CACNA1A: variants seen among roughly 807,000 people sequenced by gnomAD.
CACNA1A encodes calcium voltage-gated channel subunit alpha1 A.
A neutral mutation model predicts 262.4 loss-of-function variants in CACNA1A; 57 were observed. The ratio of observed to expected loss-of-function variants is 0.22; its 90% CI spans 0.18 to 0.27. The LOEUF (loss-of-function observed/expected upper bound fraction) is 0.27. CACNA1A is among the 10% of genes least tolerant of loss of function. The pLI, the probability that CACNA1A is intolerant of heterozygous loss-of-function variation, is 1.00. For missense variants in CACNA1A, 2,526 were observed against 3,562.8 expected (o/e 0.71, Z 7.41); for synonymous variants, 1,431 against 1,419.3 (o/e 1.01, Z -0.18).
At chr19:13,326,043 C>A (rs745986210) in intron 10 of CACNA1A, among the ~76,000 whole-genome samples, 1 of 152,086 alleles carries the variant, frequency 6.6e-6, no homozygotes, top group South Asian at 2.1e-4. Flanking sequence ...CTGTCAGGCG[C>A]GGTGGCTAAC....
At chr19:13,383,164 G>A (rs972092214) in intron 3 of CACNA1A, among the ~76,000 whole-genome samples, 3 of 152,224 alleles carry the variant, frequency 2.0e-5, no homozygotes, top group Admixed American at 2.0e-4. Context: ...TATTCAGAGA[G>A]TGCCTAAAGA....
rs1007804903 is a variant in CACNA1A, at chr19:13,226,265, G to C, written c.5625+1166C>G. 9.1e-5 allele frequency: 12 copies of C among 131,670 alleles called. 1 individual carries two copies. Among genetic ancestry groups the C allele is most frequent in the African/African-American group, 2.6e-4 (9 of 35,112 alleles). 8.2% of individuals were successfully genotyped at this position (131,670 alleles called of 1,614,324 possible). A position where few individuals can be genotyped will look rare whatever the true frequency, so the allele number is the denominator to read the frequency against. ...ACTTGAGGAAAACCGGGGGGGGGGG[G>C]GGGGGCGGCAGGGAGGGGCACAGAG... On this transcript the variant is annotated intron_variant, in intron 37 of 46. Coordinates refer to ENST00000360228, the MANE Select transcript of CACNA1A (RefSeq NM_001127222.2).
chr19:13,246,372 T>C (rs796621076), intron 30 of CACNA1A, among the ~76,000 whole-genome samples: 101 of 152,288 alleles, frequency 6.6e-4, no homozygotes, highest in African/African-American at 2.4e-3. Context: ...TTCTGGTCAG[T>C]GTTGGACTCT....
At chr19:13,478,192 A>T (rs1978796393) in intron 1 of CACNA1A, among the ~76,000 whole-genome samples, 1 of 152,160 alleles carries the variant, frequency 6.6e-6, no homozygotes, top group Non-Finnish European at 1.5e-5. Flanking sequence ...CAAAATAAAC[A>T]TGTCATTGTG....
At chr19:13,210,904 A>T in intron 43 of CACNA1A, 1 of 570,276 alleles carries the variant, frequency 1.8e-6, no homozygotes. Context: ...CAGACAGGAG[A>T]TGCAGACAGA....
chr19:13,448,929 T>C (rs1568655895), intron 3 of CACNA1A, among the ~76,000 whole-genome samples: 2 of 152,122 alleles, frequency 1.3e-5, no homozygotes, highest in Admixed American at 6.6e-5. Context: ...GTACCACATA[T>C]CTCTTTTTTT....
At chr19:13,299,378 T>TAA in intron 18 of CACNA1A, 25 bp from the exon 19 acceptor site, 1 of 1,593,528 alleles carries the variant, frequency 6.3e-7, no homozygotes, top group South Asian at 1.1e-5. Flanking sequence ...TCACAGGACT[T>TAA]AGAGCATTGC....
In CACNA1A at chr19:13,207,879, GCTGC is replaced by G; in HGVS notation, c.6951_6954del (p.Gln2317HisfsTer290). The stretch of plus-strand genomic sequence containing the variant: ...ACCGCCTGCTGCTGCTGCTGCTGCT[GCTGC>G]TGCTGCTGCTGCTGCGGGGGCCCCG... On this transcript the variant is annotated frameshift_variant, in exon 47 of 47. Coordinates refer to ENST00000360228, the MANE Select transcript of CACNA1A (RefSeq NM_001127222.2). LOFTEE classifies it low-confidence loss of function (END_TRUNC). The surrounding 1 kb of genome is among the most constrained non-coding windows in gnomAD (Gnocchi z 5.7). 7.1e-7 allele frequency: 1 copy of G among 1,411,604 alleles called. No homozygotes were observed. 87.4% of individuals were successfully genotyped at this position (1,411,604 alleles called of 1,614,324 possible).
At chr19:13,389,919 T>C (rs2059683353) in intron 3 of CACNA1A, among the ~76,000 whole-genome samples, 1 of 151,928 alleles carries the variant, frequency 6.6e-6, no homozygotes, top group Non-Finnish European at 1.5e-5. Flanking sequence ...TTCAAGCAAT[T>C]CTCCTGCCTC....
At position 13,365,469 on chromosome 19, in the gene CACNA1A, C is replaced by G; in HGVS notation, c.632G>C (p.Ser211Thr). Reference sequence around the variant, plus strand: ...GATCGACTTCAGGACGACTTGTAAACCTGGGGGGACACAGAGAGAGGCCCC... The same window carrying G: ...GATCGACTTCAGGACGACTTGTAAAGCTGGGGGGACACAGAGAGAGGCCCC... ...RPLKLVSGIP[S>T]LQVVLKSIMK... Residue 211 changes from serine (S) to threonine (T), a missense_variant and splice_region_variant, in exon 5 of 47, where the codon AGT becomes ACT. Physicochemically the swap from Ser to Thr is moderately conservative, Grantham distance 58. Around this residue, in one of 17 missense-constraint regions of CACNA1A, gnomAD observed 77 missense variants for 228.4 expected, o/e 0.34. Coordinates refer to ENST00000360228, the MANE Select transcript of CACNA1A (RefSeq NM_001127222.2). 2 of 1,613,266 alleles carry G rather than the reference C, an allele frequency of 1.2e-6. No individual in the cohort carries two copies. Among genetic ancestry groups the G allele is most frequent in the Non-Finnish European group, 1.7e-6 (2 of 1,179,496 alleles).
chr19:13,488,762 C>T (rs1120559), intron 1 of CACNA1A, among the ~76,000 whole-genome samples: 38,672 of 151,658 alleles, frequency 0.25, 8,224 homozygotes, highest in East Asian at 0.58. Context: ...AGGAATCTCA[C>T]TGAAGAGCAG....
At chr19:13,262,668 C>T (rs558807759) in intron 25 of CACNA1A, 66 bp downstream of exon 25, 158 of 973,668 alleles carry the variant, frequency 1.6e-4, no homozygotes, top group Middle Eastern at 1.5e-3. Flanking sequence ...AGTGTACAAC[C>T]TGCTCAGCTG....
intron 6 of CACNA1A, among the ~76,000 whole-genome samples, chr19:13,351,974 C>T (rs1020522823): frequency 6.6e-6 from 1 of 152,080 alleles, no homozygotes; most frequent in African/African-American, 2.4e-5. Flanking sequence ...ATCAATCAAT[C>T]AATGATTTAT....
intron 3 of CACNA1A, among the ~76,000 whole-genome samples, chr19:13,389,913 A>T (rs528142793): frequency 2.0e-5 from 3 of 152,172 alleles, no homozygotes; most frequent in Non-Finnish European, 2.9e-5. Context: ...CCCAGGTTCA[A>T]GCAATTCTCC....
chr19:13,255,359 C>T (rs1041466618), intron 28 of CACNA1A, 100 bp from the exon 29 acceptor site: 71 of 1,076,494 alleles, frequency 6.6e-5, no homozygotes, highest in Non-Finnish European at 8.7e-5. Context: ...TCAAGTGCTT[C>T]TGCTTGAGTC....
At chr19:13,496,381 G>A (rs1981538266) in intron 1 of CACNA1A, among the ~76,000 whole-genome samples, 1 of 152,236 alleles carries the variant, frequency 6.6e-6, no homozygotes, top group Non-Finnish European at 1.5e-5. Flanking sequence ...CCCTTAGGGA[G>A]AAGGTAAGAC....
At chr19:13,432,307 C>G (rs1180191153) in intron 3 of CACNA1A, among the ~76,000 whole-genome samples, 1 of 151,254 alleles carries the variant, frequency 6.6e-6, no homozygotes, top group Non-Finnish European at 1.5e-5. Context: ...CCCAGCTACT[C>G]GGGAGGCTGA....
chr19:13,409,195 C>T (rs1256052160), intron 3 of CACNA1A, among the ~76,000 whole-genome samples: 2 of 151,990 alleles, frequency 1.3e-5, no homozygotes, highest in Admixed American at 1.3e-4. Context: ...GGAGTATTGG[C>T]CGTGGGGTAC....
chr19:13,413,321 T>A (rs1214324006), intron 3 of CACNA1A, among the ~76,000 whole-genome samples: 2 of 151,074 alleles, frequency 1.3e-5, no homozygotes. Context: ...TTAGCCAGGA[T>A]GGTCTCAATC....
Sources: allele counts gnomAD v4.1 joint callset (sites outside exome capture counted in the v4.1 genomes callset), GRCh38; gene constraint gnomAD v4.1.1; regional missense constraint gnomAD v4.1.1; non-coding constraint Gnocchi (gnomAD v3.1); transcripts MANE v1.5; gene names NCBI Gene and HGNC (gene_info 2026-07-23, HGNC 2026-07-21).